TEX14: variants seen among roughly 807,000 people sequenced by gnomAD.
The protein encoded by TEX14 is inactive serine/threonine-protein kinase TEX14.
TEX14 carries 168 observed loss-of-function variants against 178.6 expected under a neutral mutation model. The observed-to-expected ratio is 0.94, with a 90% CI of 0.83 to 1.07. The LOEUF (loss-of-function observed/expected upper bound fraction) is 1.07, where lower values mean the gene tolerates loss of function less well. TEX14 is among the 50% of genes least tolerant of loss of function. TEX14 has a pLI of 0.00. For synonymous variants in TEX14, 626 were observed against 634.1 expected, an observed-to-expected ratio of 0.99 and a Z score of 0.19; for missense variants, 1,730 against 1,753.6, an observed-to-expected ratio of 0.99 and a Z score of 0.24.
chr17:58,645,976 G>T (rs1232424104), intron 2 of TEX14, among the ~76,000 whole-genome samples: 1 of 152,052 alleles, frequency 6.6e-6, no homozygotes, highest in Non-Finnish European at 1.5e-5. Flanking sequence ...CTAGTACAAT[G>T]TAAATACTAT....
At chr17:58,661,674 A>C (rs996213945) in intron 1 of TEX14, 3 of 614,248 alleles carry the variant, frequency 4.9e-6, no homozygotes, top group Non-Finnish European at 8.7e-6. Context: ...TAGATTTCTA[A>C]CAACCAGTCT....
intron 13 of TEX14, among the ~76,000 whole-genome samples, chr17:58,600,821 A>G (rs899555094): frequency 2.0e-5 from 3 of 152,158 alleles, no homozygotes; most frequent in African/African-American, 7.2e-5. Flanking sequence ...TTCTATAACA[A>G]GTTCTCTGTG....
At chr17:58,630,396 C>A (rs1476846076) in intron 3 of TEX14, 44 bp downstream of exon 3, 4 of 1,411,568 alleles carry the variant, frequency 2.8e-6, no homozygotes, top group Admixed American at 1.7e-5. Context: ...CTCATCTTAA[C>A]AGCACAACCC....
Position 58,602,536 on chromosome 17 carries a change from G to A in TEX14, c.1391C>T (p.Ser464Leu), listed in dbSNP as rs114605288. Residue 464 changes from serine to leucine, a missense_variant, in exon 12 of 32, where the codon TCG becomes TTG. By Grantham distance (145) the Ser-to-Leu change is moderately radical. This residue lies in a region of TEX14 where 789 missense variants were observed against 681.2 expected (regional missense o/e 1.16). Coordinates refer to ENST00000349033, the MANE Select transcript of TEX14 (RefSeq NM_031272.5). The stretch of plus-strand genomic sequence containing the variant: ...GACATCAGCTTCTAAATAATTCCCC[G>A]AGACTACGGCTTTTTTAACAACTGA... The part of the protein sequence containing the change: ...DGSVVKKAVV[S>L]GNYLEADVRL... The A allele has an allele frequency of 4.1e-4, 657 of 1,613,902 alleles. No individual in the cohort carries two copies. The African/African-American group carries it at 6.2e-3, about 15-fold the overall frequency.
At chr17:58,608,873 G>A (rs1203364119) in intron 10 of TEX14, among the ~76,000 whole-genome samples, 1 of 152,214 alleles carries the variant, frequency 6.6e-6, no homozygotes, top group Non-Finnish European at 1.5e-5. Context: ...ATGGTCAGGA[G>A]GGAGCAGGGC....
rs2044764684 is a variant in TEX14, at chr17:58,579,690, A to G, written c.3213T>C (p.Gly1071=). ...PIEEDFEGIQ[G]AFAQPQVSGE... ...CAGAGACTTGAGGTTGGGCAAATGC[A>G]CCTTGTATTCCTTCAAAGTCCTCTT... is the stretch of plus-strand genomic sequence containing the variant. The change falls in exon 20 of 32, where the codon GGT becomes GGC. Residue 1071 remains glycine (G), a synonymous_variant. Coordinates refer to ENST00000349033, the MANE Select transcript of TEX14 (RefSeq NM_031272.5). 6.2e-7 allele frequency: 1 copy of G among 1,614,084 alleles called. No homozygotes were observed. Among genetic ancestry groups the G allele is most frequent in the Non-Finnish European group, 8.5e-7 (1 of 1,179,980 alleles).
Position 58,569,480 on chromosome 17 carries a change from C to T in TEX14, c.3818-220G>A, listed in dbSNP as rs2044474260. Reference sequence around the variant, plus strand: ...CTACCCCAATCCCTTTCCTTTCCTACATCAGCCCTTACCCTGGTACTGCTT... The same window carrying T: ...CTACCCCAATCCCTTTCCTTTCCTATATCAGCCCTTACCCTGGTACTGCTT... On this transcript the variant is annotated intron_variant, in intron 25 of 31. Coordinates refer to ENST00000349033, the MANE Select transcript of TEX14 (RefSeq NM_031272.5). This position sits in a 1 kb window ranked among gnomAD's most constrained non-coding sequence, Gnocchi z 4.1. Among the ~76,000 whole-genome samples the T allele has an allele frequency of 6.6e-6, 1 of 152,126 alleles. No homozygotes were observed. Among genetic ancestry groups the T allele is most frequent in the Non-Finnish European group, 1.5e-5 (1 of 68,020 alleles).
intron 3 of TEX14, 43 bp downstream of exon 3, chr17:58,630,397 A>G (rs2144576656): frequency 7.0e-7 from 1 of 1,419,874 alleles, no homozygotes. Flanking sequence ...TCATCTTAAC[A>G]GCACAACCCC....
intron 1 of TEX14, among the ~76,000 whole-genome samples, chr17:58,671,757 T>G (rs2047307826): frequency 6.6e-6 from 1 of 152,178 alleles, no homozygotes; most frequent in Non-Finnish European, 1.5e-5. Context: ...TCTTGTTCTA[T>G]TTTCTCACCA....
intron 1 of TEX14, among the ~76,000 whole-genome samples, chr17:58,670,340 T>C (rs1436668834): frequency 2.0e-5 from 3 of 151,696 alleles, no homozygotes; most frequent in African/African-American, 7.3e-5. Context: ...CATCTATCTA[T>C]AGGATGTGTG....
chr17:58,587,817 C>G, intron 16 of TEX14, 79 bp downstream of exon 16: 1 of 1,294,198 alleles, frequency 7.7e-7, no homozygotes, highest in Admixed American at 1.7e-5. Flanking sequence ...TGCACTGACC[C>G]CTTTGCACCA....
chr17:58,658,547 G>C (rs1303170988), intron 1 of TEX14, among the ~76,000 whole-genome samples: 5 of 105,302 alleles, frequency 4.7e-5, no homozygotes, highest in African/African-American at 1.6e-4. Flanking sequence ...GCGCCACCAT[G>C]CCTGGCTAAT....
rs557755505 is a variant in TEX14, at chr17:58,585,995, C to T, written c.2876G>A (p.Ser959Asn). Residue 959 changes from serine (S) to asparagine (N), a missense_variant, in exon 18 of 32, where the codon AGC (serine) becomes AAC (asparagine). Ser to Asn is a conservative substitution (Grantham distance 46). Around this residue, in one of 2 missense-constraint regions of TEX14, gnomAD observed 941 missense variants for 1,072.4 expected, o/e 0.88. Transcript: ENST00000349033. ...GGCGTCGGGCTCATTTTCAGCCTCG[C>T]TCTCTAAAGTCAGACTACTCTGAGG... is the stretch of plus-strand genomic sequence containing the variant. ...WHPQSSLTLESEAENEPDALL... is the reference protein window; with the variant it reads ...WHPQSSLTLENEAENEPDALL... 1.2e-6 allele frequency: 2 copies of T among 1,614,126 alleles called. No individual in the cohort carries two copies. The highest frequency in any genetic ancestry group is 4.5e-5 in the East Asian group (2 of 44,874).
Position 58,599,285 on chromosome 17 carries a change from T to C in TEX14, c.2060A>G (p.Glu687Gly). ...CCAGTCCCAGTCATCAAAAGAGTAC[T>C]CTGTCTCAGCTTTTGAAGAGCTCTC... is the stretch of plus-strand genomic sequence containing the variant. ...EDESSSKAET[E>G]YSFDDWDWQN... is the part of the protein sequence containing the mutation. The change falls in exon 14 of 32, where the codon GAG becomes GGG. Residue 687 changes from glutamate (E) to glycine (G), a missense_variant. Glu to Gly is a moderately conservative substitution (Grantham distance 98, BLOSUM62 -2). Transcript: ENST00000349033. The C allele has an allele frequency of 6.2e-7, 1 of 1,613,440 alleles. No individual in the cohort carries two copies. The highest frequency in any genetic ancestry group is 8.5e-7 in the Non-Finnish European group (1 of 1,180,028).
intron 2 of TEX14, among the ~76,000 whole-genome samples, chr17:58,641,975 T>C (rs1203899995): frequency 6.6e-6 from 1 of 152,238 alleles, no homozygotes; most frequent in Non-Finnish European, 1.5e-5. Flanking sequence ...GTCCCTGTTC[T>C]TTCTGGTAAG....
intron 1 of TEX14, among the ~76,000 whole-genome samples, chr17:58,682,101 A>G (rs1368004708): frequency 6.6e-6 from 1 of 151,850 alleles, no homozygotes; most frequent in Non-Finnish European, 1.5e-5. Flanking sequence ...GGCACACACT[A>G]CCATGTCTGG....
intron 2 of TEX14, among the ~76,000 whole-genome samples, chr17:58,643,879 A>G (rs1365004089): frequency 2.0e-5 from 3 of 146,592 alleles, no homozygotes; most frequent in Non-Finnish European, 3.0e-5. Context: ...TGTCTCAAAA[A>G]AAAAAAAAAA....
In TEX14 at chr17:58,569,140, G is replaced by C. The variant is rs2144353646; in HGVS notation, c.3886+52C>G. 2.1e-6 allele frequency: 3 copies of C among 1,431,232 alleles called. No homozygotes were observed. The highest frequency in any genetic ancestry group is 1.8e-4 in the Middle Eastern group (1 of 5,690). 88.7% of individuals were successfully genotyped at this position (1,431,232 alleles called of 1,614,324 possible). The stretch of plus-strand genomic sequence containing the variant: ...AGACAAAGACACCATACTGTGGTCA[G>C]TGACATAACTAACAGGGCCGAGAAG... On this transcript the variant is annotated intron_variant, in intron 26 of 31. Coordinates refer to ENST00000349033, the MANE Select transcript of TEX14 (RefSeq NM_031272.5). This position sits in a 1 kb window ranked among gnomAD's most constrained non-coding sequence, Gnocchi z 4.1.
chr17:58,593,330 T>C (rs1010939221), intron 15 of TEX14, among the ~76,000 whole-genome samples: 4 of 152,218 alleles, frequency 2.6e-5, no homozygotes, highest in African/African-American at 9.7e-5. Flanking sequence ...ACTGATGAGT[T>C]CTGTCTGATT....
Sources: allele counts gnomAD v4.1 joint callset (sites outside exome capture counted in the v4.1 genomes callset), GRCh38; gene constraint gnomAD v4.1.1; regional missense constraint gnomAD v4.1.1; non-coding constraint Gnocchi (gnomAD v3.1); transcripts MANE v1.5; gene names NCBI Gene and HGNC (gene_info 2026-07-23, HGNC 2026-07-21).